The following EED variants were observed in gnomAD, a reference collection of about 807,000 sequenced individuals.
EED encodes the protein polycomb protein EED.
A neutral mutation model predicts 61.0 loss-of-function variants in EED; 9 were observed. The ratio of observed to expected loss-of-function variants is 0.15; its 90% CI spans 0.09 to 0.26. The LOEUF is 0.26. Ranked by LOEUF, EED falls within the 10% of genes least tolerant of loss-of-function variation. The pLI is 1.00. For synonymous variants in EED, 187 were observed against 174.4 expected (o/e 1.07, Z -0.57); for missense variants, 315 against 542.3 (o/e 0.58, Z 4.16).
intron 9 of EED, chr11:86,270,066 GC>G (rs1046408860): frequency 1.4e-6 from 1 of 697,174 alleles, no homozygotes; most frequent in African/African-American, 1.8e-5. Context: ...TTAAGAAACT[GC>G]CAAACTATTT....
At chr11:86,254,341 G>C (rs1283898313) in intron 3 of EED, among the ~76,000 whole-genome samples, 1 of 139,468 alleles carries the variant, frequency 7.2e-6, no homozygotes, top group East Asian at 2.1e-4. Context: ...TTTTTTTTGA[G>C]ACTGAGTCTC....
intron 9 of EED, among the ~76,000 whole-genome samples, chr11:86,270,353 GTGT>G (rs1297860028): frequency 3.1e-5 from 2 of 63,874 alleles, no homozygotes; most frequent in African/African-American, 7.0e-5. Flanking sequence ...GTTTTTTGTT[GTGT>G]TTTTTTTTTT....
At chr11:86,266,287 A>G (rs1945974970) in intron 8 of EED, 71 bp downstream of exon 8, 1 of 1,351,998 alleles carries the variant, frequency 7.4e-7, no homozygotes, top group African/African-American at 1.5e-5. Context: ...TTTTCCCAAA[A>G]TTGCTATATA....
At chr11:86,249,064 G>A (rs772145356) in intron 1 of EED, among the ~76,000 whole-genome samples, 2 of 152,146 alleles carry the variant, frequency 1.3e-5, no homozygotes, top group Admixed American at 6.6e-5. Context: ...TTGGAAGGAT[G>A]TGCTATATAG....
chr11:86,286,648 A>C, the EED span, among the ~76,000 whole-genome samples: 1 of 152,096 alleles, frequency 6.6e-6, no homozygotes, highest in Admixed American at 6.5e-5. Context: ...AGTAGGTTTT[A>C]AATTTTTTTT....
rs1024413116 is a variant in EED at position 86,244,951 on chromosome 11, C to T, written c.-279C>T. ...ACGGACCTTACATCGTGTAGACTGC[C>T]GGGAGGGCGGCGGGAAAAGGGCAAG... On this transcript the variant is annotated 5_prime_UTR_variant, in exon 1 of 12. Coordinates refer to ENST00000263360, the MANE Select transcript of EED (RefSeq NM_003797.5). 10 of 379,898 alleles carry T rather than the reference C, an allele frequency of 2.6e-5. No individual in the cohort carries two copies. Among genetic ancestry groups the T allele is most frequent in the African/African-American group, 1.5e-4 (7 of 46,756 alleles). The allele number at this position is 379,898 out of a possible 1,614,324, so 23.5% of individuals were successfully genotyped here. A position where few individuals can be genotyped will look rare whatever the true frequency, so the allele number is the denominator to read the frequency against.
At chr11:86,252,891 C>A (rs1281748106) in intron 3 of EED, among the ~76,000 whole-genome samples, 2 of 152,050 alleles carry the variant, frequency 1.3e-5, no homozygotes, top group African/African-American at 4.8e-5. Flanking sequence ...TTCTGAGTAG[C>A]TACAGGCATG....
intron 6 of EED, among the ~76,000 whole-genome samples, chr11:86,258,792 T>C (rs1216726989): frequency 6.6e-6 from 1 of 151,772 alleles, no homozygotes; most frequent in East Asian, 1.9e-4. Context: ...CTGACCTCAG[T>C]TGATCCGCCT....
intron 1 of EED, among the ~76,000 whole-genome samples, chr11:86,247,112 A>G (rs1945411187): frequency 6.6e-6 from 1 of 152,244 alleles, no homozygotes; most frequent in African/African-American, 2.4e-5. Flanking sequence ...CTTGCAAAGG[A>G]CAAAATAAAG....
intron 5 of EED, 57 bp from the exon 6 acceptor site, chr11:86,257,458 A>G: frequency 7.2e-7 from 1 of 1,395,110 alleles, no homozygotes; most frequent in Non-Finnish European, 9.8e-7. Context: ...AAGATTTATG[A>G]AAAAAAATTT....
intron 10 of EED, 91 bp from the exon 11 acceptor site, chr11:86,277,827 C>T: frequency 7.7e-7 from 1 of 1,301,610 alleles, no homozygotes; most frequent in Non-Finnish European, 1.0e-6. Context: ...TGAGCTTTTT[C>T]TGAAACAAGA....
At chr11:86,257,016 T>C (rs1565693235) in intron 5 of EED, among the ~76,000 whole-genome samples, 1 of 152,060 alleles carries the variant, frequency 6.6e-6, no homozygotes, top group Admixed American at 6.6e-5. Context: ...TCAGAATATC[T>C]GCAGGTGGAG....
intron 9 of EED, chr11:86,270,203 T>G (rs1443175682): frequency 3.0e-6 from 2 of 660,974 alleles, no homozygotes; most frequent in African/African-American, 3.6e-5. Context: ...AGGTGTGTAG[T>G]GATATCTCAT....
At chr11:86,260,282 G>A (rs1337893523) in intron 6 of EED, among the ~76,000 whole-genome samples, 1 of 152,004 alleles carries the variant, frequency 6.6e-6, no homozygotes, top group African/African-American at 2.4e-5. Flanking sequence ...GGCTATAGTA[G>A]AGTGATGTGA....
chr11:86,266,390 C>G (rs1288621860), intron 8 of EED, among the ~76,000 whole-genome samples, 174 bp downstream of exon 8: 1 of 152,016 alleles, frequency 6.6e-6, no homozygotes, highest in Non-Finnish European at 1.5e-5. Context: ...CCTTTATTTG[C>G]AGTGTTTGTG....
chr11:86,250,057 T>A (rs1015033134), intron 1 of EED, among the ~76,000 whole-genome samples: 6 of 152,260 alleles, frequency 3.9e-5, no homozygotes, highest in Non-Finnish European at 4.4e-5. Context: ...ACAGTATTAC[T>A]CTTCCATTAT....
rs773510026 is a variant in EED, at chr11:86,245,238, G to T, written c.9G>T (p.Glu3Asp). ...GAGGGAGGCGGAGGAATATGTCCGA[G>T]AGGGAAGTGTCGACTGCGCCGGCGG... MS[E>D]REVSTAPAGT... is the part of the protein sequence containing the mutation. The change falls in exon 1 of 12, where the codon GAG becomes GAT. Residue 3 changes from glutamate to aspartate, a missense_variant. Transcript: ENST00000263360. The T allele has an allele frequency of 6.7e-5, 108 of 1,613,228 alleles. No homozygotes were observed. The highest frequency in any genetic ancestry group is 8.8e-5 in the Non-Finnish European group (104 of 1,179,844).
At chr11:86,269,344 G>A (rs1490640073) in intron 9 of EED, among the ~76,000 whole-genome samples, 2 of 152,074 alleles carry the variant, frequency 1.3e-5, no homozygotes, top group African/African-American at 4.8e-5. Context: ...GTGTGTGTTT[G>A]TGTGTCTGTG....
At chr11:86,257,195 G>A (rs1945700199) in intron 5 of EED, among the ~76,000 whole-genome samples, 2 of 149,994 alleles carry the variant, frequency 1.3e-5, no homozygotes. Flanking sequence ...TTGTGTGTGT[G>A]TGTGTGTGTG....
Sources: allele counts gnomAD v4.1 joint callset (sites outside exome capture counted in the v4.1 genomes callset), GRCh38; gene constraint gnomAD v4.1.1; transcripts MANE v1.5; gene names NCBI Gene and HGNC (gene_info 2026-07-23, HGNC 2026-07-21).